Variants in APPBP2 observed in about 807,000 individuals in gnomAD.
APPBP2 encodes amyloid protein-binding protein 2.
APPBP2 carries 15 observed loss-of-function variants against 76.0 expected under a neutral mutation model. The observed-to-expected ratio is 0.20, with a 90% CI of 0.13 to 0.30. APPBP2 has a LOEUF of 0.30. Among genes scored for constraint, APPBP2 ranks in the 10% least tolerant of loss-of-function variants. APPBP2 has a pLI of 1.00. For missense variants in APPBP2, 401 were observed against 687.2 expected, an observed-to-expected ratio of 0.58 and a Z score of 4.66; for synonymous variants, 222 against 242.2, an observed-to-expected ratio of 0.92 and a Z score of 0.77.
At chr17:60,521,613 C>T (rs576459531) in intron 1 of APPBP2, among the ~76,000 whole-genome samples, 1 of 147,880 alleles carries the variant, frequency 6.8e-6, no homozygotes, top group African/African-American at 2.7e-5. Context: ...AATGGGGTCT[C>T]GCTTTATTGC....
Position 60,486,279 on chromosome 17 carries a change from CTAATAT to C in APPBP2, c.380-7014_380-7009del, listed in dbSNP as rs1345289718. Among the ~76,000 whole-genome samples the C allele has an allele frequency of 9.9e-5, 15 of 152,158 alleles. No individual in the cohort carries two copies. In the East Asian group the frequency reaches 2.9e-3, roughly 29 times the overall value. On this transcript the variant is annotated intron_variant, in intron 3 of 12. Coordinates refer to ENST00000083182, the MANE Select transcript of APPBP2 (RefSeq NM_006380.5). ...TTAACCTTCTGTCTCATTGATCTGT[CTAATAT>C]TGACAGTGGGGTGTTAAAGTCTCCC...
At chr17:60,456,234 C>T (rs2090430508) in intron 10 of APPBP2, 62 bp downstream of exon 10, 18 of 1,107,456 alleles carry the variant, frequency 1.6e-5, no homozygotes, top group Non-Finnish European at 2.3e-5. Context: ...TAAACAAATA[C>T]CCCTATTTTA....
chr17:60,487,860 T>C (rs868106984), intron 3 of APPBP2, among the ~76,000 whole-genome samples: 1 of 152,244 alleles, frequency 6.6e-6, no homozygotes, highest in South Asian at 2.1e-4. Context: ...TTGATGATGG[T>C]GACCTACAGG....
chr17:60,454,419 A>G lies in APPBP2; in HGVS notation c.1221T>C (p.His407=). 1 of 1,612,802 alleles carries G rather than the reference A, an allele frequency of 6.2e-7. No individual in the cohort carries two copies. Among genetic ancestry groups the G allele is most frequent in the Non-Finnish European group, 8.5e-7 (1 of 1,179,348 alleles). Residue 407 remains histidine, a synonymous_variant, in exon 11 of 13, where the codon CAT becomes CAC. Coordinates refer to ENST00000083182, the MANE Select transcript of APPBP2 (RefSeq NM_006380.5). ...ETEQRLLQEA[H]DLHLSSLQLA... is the part of the protein sequence containing the mutation. ...GTTGGAGTGAAGACAGGTGCAAATC[A>G]TGAGCTTCTTGAAGCAGCCTCTGTT...
chr17:60,516,304 G>T (rs2090963214), intron 1 of APPBP2, among the ~76,000 whole-genome samples: 1 of 152,192 alleles, frequency 6.6e-6, no homozygotes, highest in East Asian at 1.9e-4. Flanking sequence ...AAGAATGAAA[G>T]TTTTTTCGTT....
intron 3 of APPBP2, among the ~76,000 whole-genome samples, chr17:60,479,951 A>C (rs2090617160): frequency 6.6e-6 from 1 of 152,186 alleles, no homozygotes; most frequent in African/African-American, 2.4e-5. Context: ...AGTCACAGAA[A>C]AACCAAAGCT....
In APPBP2 at chr17:60,445,948, T is replaced by TG. The variant is rs1339057059; in HGVS notation, c.*1632dup. The TG allele has an allele frequency of 6.6e-6, 1 of 152,080 alleles. No homozygotes were observed. Among genetic ancestry groups the TG allele is most frequent in the Admixed American group, 6.6e-5 (1 of 15,264 alleles). 9.4% of individuals were successfully genotyped at this position (152,080 alleles called of 1,614,324 possible). A position where few individuals can be genotyped will look rare whatever the true frequency, so the allele number is the denominator to read the frequency against. On this transcript the variant is annotated 3_prime_UTR_variant, in exon 13 of 13. Coordinates refer to ENST00000083182, the MANE Select transcript of APPBP2 (RefSeq NM_006380.5). ...TGCAAATAACAGCTTCAAACAAGGT[T>TG]GGGAAGTTCAAAAAAGTGCTTAAAA...
chr17:60,477,616 A>G (rs2090600101), intron 4 of APPBP2: 2 of 152,114 alleles, frequency 1.3e-5, no homozygotes, highest in South Asian at 4.1e-4. Flanking sequence ...CTGCACACAA[A>G]TATTCCTATA....
intron 12 of APPBP2, among the ~76,000 whole-genome samples, chr17:60,450,701 C>T (rs2090388073): frequency 6.7e-6 from 1 of 149,472 alleles, no homozygotes; most frequent in African/African-American, 2.5e-5. Context: ...ATCACTTGAA[C>T]TCAGGAGATT....
intron 2 of APPBP2, among the ~76,000 whole-genome samples, chr17:60,498,386 A>T (rs1402321023): frequency 6.6e-6 from 1 of 152,170 alleles, no homozygotes; most frequent in Non-Finnish European, 1.5e-5. Flanking sequence ...GCTGGCAAAG[A>T]CTTCTTGAGT....
intron 10 of APPBP2, among the ~76,000 whole-genome samples, chr17:60,454,846 G>C (rs2143296524): frequency 1.3e-5 from 2 of 152,272 alleles, no homozygotes; most frequent in Middle Eastern, 6.8e-3. Context: ...ACTGTGTCAA[G>C]GAGTACCTAA....
chr17:60,520,398 C>T (rs2090999254), intron 1 of APPBP2, among the ~76,000 whole-genome samples: 1 of 151,972 alleles, frequency 6.6e-6, no homozygotes, highest in Non-Finnish European at 1.5e-5. Flanking sequence ...CATGGTAAAA[C>T]CCCATCTCTA....
At chr17:60,463,168 G>GA (rs1275414766) in intron 6 of APPBP2, among the ~76,000 whole-genome samples, 1 of 152,000 alleles carries the variant, frequency 6.6e-6, no homozygotes, top group Non-Finnish European at 1.5e-5. Flanking sequence ...TATAATTTTG[G>GA]AATCTATTTT....
intron 1 of APPBP2, among the ~76,000 whole-genome samples, chr17:60,518,346 CGTGTGTGCGTGCGTGTGTGT>C (rs1256505838): frequency 2.3e-5 from 3 of 128,318 alleles, no homozygotes; most frequent in African/African-American, 7.9e-5. Context: ...CATGCCCAGC[CGTGTGTGCGTGCGTGTGTGT>C]GTGTGTGTGT....
At chr17:60,461,585 G>A in intron 8 of APPBP2, 1 of 400,594 alleles carries the variant, frequency 2.5e-6, no homozygotes, top group Non-Finnish European at 4.4e-6. Flanking sequence ...TCCCACATAT[G>A]AGCTCACAAC....
chr17:60,502,323 G>A (rs2090829344), intron 1 of APPBP2, among the ~76,000 whole-genome samples: 1 of 152,190 alleles, frequency 6.6e-6, no homozygotes, highest in South Asian at 2.1e-4. Flanking sequence ...ATTAACTGCT[G>A]TCTTATTTAC....
rs964357033 is a variant in APPBP2 at position 60,446,230 on chromosome 17, T to A, written c.*1351A>T. ...TGGGCTACTACAGTAAGAATTGAGG[T>A]AACAGCAAAATACCTTTTTGTTTCT... On this transcript the variant is annotated 3_prime_UTR_variant, in exon 13 of 13. Coordinates refer to ENST00000083182, the MANE Select transcript of APPBP2 (RefSeq NM_006380.5). 2.6e-5 allele frequency: 4 copies of A among 152,618 alleles called. No individual in the cohort carries two copies. The highest frequency in any genetic ancestry group is 5.9e-5 in the Non-Finnish European group (4 of 68,036). 9.5% of individuals were successfully genotyped at this position (152,618 alleles called of 1,614,324 possible). A position where few individuals can be genotyped will look rare whatever the true frequency, so the allele number is the denominator to read the frequency against.
At chr17:60,488,950 C>A (rs2090703415) in intron 3 of APPBP2, among the ~76,000 whole-genome samples, 1 of 152,140 alleles carries the variant, frequency 6.6e-6, no homozygotes, top group African/African-American at 2.4e-5. Flanking sequence ...TGGCCAGGCA[C>A]GGTGGCTCAT....
chr17:60,494,645 T>C (rs369171892), intron 2 of APPBP2, 28 bp from the exon 3 acceptor site: 7 of 1,546,200 alleles, frequency 4.5e-6, no homozygotes, highest in East Asian at 2.3e-5. Flanking sequence ...GATTATTTTA[T>C]AGAGTTAATT....
Sources: allele counts gnomAD v4.1 joint callset (sites outside exome capture counted in the v4.1 genomes callset), GRCh38; gene constraint gnomAD v4.1.1; transcripts MANE v1.5; gene names NCBI Gene and HGNC (gene_info 2026-07-23, HGNC 2026-07-21).